Variants in CITED1 observed in about 807,000 individuals in gnomAD.
The protein encoded by CITED1 is Cbp/p300 interacting transactivator with ED-rich tail 1.
A neutral mutation model predicts 8.5 loss-of-function variants in CITED1; 3 were observed. The ratio of observed to expected loss-of-function variants is 0.35; its 90% confidence interval spans 0.16 to 0.91. The LOEUF is 0.91. Among genes scored for constraint, CITED1 ranks in the 40% least tolerant of loss-of-function variants. The pLI is 0.46. For synonymous variants in CITED1, 54 were observed against 67.4 expected (o/e 0.80, Z 0.97); for missense variants, 113 against 154.8 (o/e 0.73, Z 1.43).
chrX:72,301,853 T>C lies in CITED1; in HGVS notation c.452A>G (p.Asp151Gly), dbSNP rs1223739445. The change falls in exon 3 of 3, where the codon GAC becomes GGC. Residue 151 changes from aspartate to glycine, a missense_variant. Asp to Gly is a moderately conservative substitution (Grantham distance 94). Coordinates refer to ENST00000651998, the MANE Select transcript of CITED1 (RefSeq NM_001144887.2). ...GAQSPAIIDS[D>G]PVDEEVLMSL... ...CATCAGCACTTCCTCATCCACTGGG[T>C]CCGAATCGATGATAGCAGGGCTCTG... 2 of 1,211,359 alleles carry C rather than the reference T, an allele frequency of 1.7e-6. No homozygotes were observed. The highest frequency in any genetic ancestry group is 1.8e-5 in the South Asian group (1 of 56,929).
At chrX:72,307,149 G>T (rs1365225302), upstream of CITED1, 1 of 111,979 alleles carries the variant, frequency 8.9e-6, no homozygotes, top group Non-Finnish European at 1.9e-5. Flanking sequence ...GCTCAGCGGT[G>T]CCCCTTCTGC....
intron 1 of CITED1, chrX:72,305,397 G>T: frequency 1.1e-6 from 1 of 878,471 alleles, no homozygotes. Context: ...GCTCTAACCA[G>T]ACCAGTCAGT....
Position 72,302,324 on chromosome X carries a change from T to C in CITED1, c.61-80A>G, listed in dbSNP as rs951167579. The C allele has an allele frequency of 8.5e-6, 9 of 1,060,136 alleles. No homozygotes were observed. In the Admixed American group the frequency reaches 2.1e-4, roughly 25 times the overall value. 87.4% of individuals were successfully genotyped at this position (1,060,136 alleles called of 1,213,427 possible). A position where few individuals can be genotyped will look rare whatever the true frequency, so the allele number is the denominator to read the frequency against. On this transcript the variant is annotated intron_variant, in intron 2 of 2. Coordinates refer to ENST00000651998, the MANE Select transcript of CITED1 (RefSeq NM_001144887.2). The stretch of plus-strand genomic sequence containing the variant: ...CCATTCAGCAGATTTAGAAGGTTCC[T>C]ACCTGCACTTCATTTGGGACTAGAG...
Position 72,302,120 on chromosome X carries a change from G to A in CITED1, c.185C>T (p.Thr62Ile). ...GCCTATTGGAGATCCCGAGGAACTA[G>A]TGGGAGCCCCACTGGCCTTGGTTCC... ...SNGTKASGAPTSSSGSPIGSP... is the reference protein window; with the variant it reads ...SNGTKASGAPISSSGSPIGSP... The change falls in exon 3 of 3, where the codon ACT (threonine) becomes ATT (isoleucine). Residue 62 changes from threonine (T) to isoleucine (I), a missense_variant. Coordinates refer to ENST00000651998, the MANE Select transcript of CITED1 (RefSeq NM_001144887.2). 3 of 1,190,487 alleles carry A rather than the reference G, an allele frequency of 2.5e-6. No homozygotes were observed. The highest frequency in any genetic ancestry group is 3.4e-6 in the Non-Finnish European group (3 of 884,300).
At chrX:72,302,357 G>C (rs184368338) in intron 2 of CITED1, 113 bp from the exon 3 acceptor site, 2 of 916,442 alleles carry the variant, frequency 2.2e-6, no homozygotes, top group African/African-American at 4.0e-5. Context: ...GAGGTGGAGA[G>C]GTAGCAAGAC....
chrX:72,302,345 T>A, intron 2 of CITED1, 101 bp from the exon 3 acceptor site: 1 of 984,086 alleles, frequency 1.0e-6, no homozygotes, highest in Non-Finnish European at 1.4e-6. Context: ...CATTTGGGAC[T>A]AGAGGTGGAG....
At chrX:72,305,404 C>T in intron 1 of CITED1, 1 of 802,897 alleles carries the variant, frequency 1.2e-6, no homozygotes. Context: ...CCAGACCAGT[C>T]AGTTTCGCCA....
chrX:72,301,703 A>T lies in CITED1; in HGVS notation c.*20T>A. On this transcript the variant is annotated 3_prime_UTR_variant, in exon 3 of 3. Coordinates refer to ENST00000651998, the MANE Select transcript of CITED1 (RefSeq NM_001144887.2). ...ACAGAATTGGTGGCTTTATTCCTCC[A>T]TCTTTAGGGACACTTGGCATTAGCA... The T allele has an allele frequency of 8.3e-7, 1 of 1,204,149 alleles. No homozygotes were observed. Among genetic ancestry groups the T allele is most frequent in the East Asian group, 3.0e-5 (1 of 33,682 alleles).
rs751916691 is a variant in CITED1 at position 72,302,201 on chromosome X, G to A, written c.104C>T (p.Ala35Val). The change falls in exon 3 of 3, where the codon GCG becomes GTG. Residue 35 changes from alanine (A) to valine (V), a missense_variant. Coordinates refer to ENST00000651998, the MANE Select transcript of CITED1 (RefSeq NM_001144887.2). ...EMSSVAYSNLAVKDRKAVAIL... is the reference protein window; with the variant it reads ...EMSSVAYSNLVVKDRKAVAIL... ...GGCCACTGCTTTGCGATCTTTCACC[G>A]CAAGGTTGGAGTAGGCCACGGAGCT... The A allele has an allele frequency of 6.3e-5, 76 of 1,205,315 alleles. No individual in the cohort carries two copies. The highest frequency in any genetic ancestry group is 7.1e-5 in the Non-Finnish European group (63 of 892,596).
chrX:72,304,973 C>A (rs764418577), intron 1 of CITED1, among the ~76,000 whole-genome samples: 25 of 113,248 alleles, frequency 2.2e-4, no homozygotes, highest in African/African-American at 6.7e-4. Context: ...TCCTCCACCA[C>A]CCTCTAGCCC....
intron 1 of CITED1, among the ~76,000 whole-genome samples, chrX:72,303,922 A>C (rs1340843254): frequency 9.0e-6 from 1 of 111,103 alleles, no homozygotes; most frequent in African/African-American, 3.3e-5. Context: ...AAGAAGAAAA[A>C]AATGTCCCAT....
intron 1 of CITED1, among the ~76,000 whole-genome samples, chrX:72,303,971 T>C (rs1816411854): frequency 9.0e-6 from 1 of 110,824 alleles, no homozygotes; most frequent in Admixed American, 9.5e-5. Context: ...TCTCAGCTAC[T>C]CAGGAAGCTG....
intron 1 of CITED1, among the ~76,000 whole-genome samples, chrX:72,305,117 T>C (rs2043323807): frequency 8.9e-6 from 1 of 112,369 alleles, no homozygotes; most frequent in Non-Finnish European, 1.9e-5. Context: ...GGCTGATGCC[T>C]GGCGGCCCCC....
upstream of CITED1, chrX:72,306,388 C>A (rs1376824633): frequency 1.8e-5 from 2 of 111,450 alleles, no homozygotes; most frequent in African/African-American, 6.5e-5. Flanking sequence ...CTCCGGCCCG[C>A]CTGGCGGCCG....
chrX:72,304,740 G>A (rs2043319616), intron 1 of CITED1, among the ~76,000 whole-genome samples: 1 of 111,575 alleles, frequency 9.0e-6, no homozygotes, highest in Non-Finnish European at 1.9e-5. Flanking sequence ...AGTTCGTGGG[G>A]GAAGACCATT....
chrX:72,302,264 A>G lies in CITED1; in HGVS notation c.61-20T>C. On this transcript the variant is annotated intron_variant, in intron 2 of 2. Coordinates refer to ENST00000651998, the MANE Select transcript of CITED1 (RefSeq NM_001144887.2). ...GGCATCCTAGAAGACAGAGAAAAGC[A>G]CACCATAGTAACCCTGCTCCTGGCT... 1.7e-6 allele frequency: 2 copies of G among 1,193,624 alleles called. No individual in the cohort carries two copies. The highest frequency in any genetic ancestry group is 3.7e-5 in the South Asian group (2 of 53,969).
At chrX:72,307,049 C>T (rs937562078), upstream of CITED1, 6 of 110,370 alleles carry the variant, frequency 5.4e-5, no homozygotes, top group African/African-American at 1.7e-4. Flanking sequence ...GGTGCTGTGC[C>T]GTCCGCTGCT....
chrX:72,303,011 G>A (rs2043304212), intron 1 of CITED1, 77 bp from the exon 2 acceptor site: 20 of 1,112,844 alleles, frequency 1.8e-5, no homozygotes, highest in Non-Finnish European at 8.4e-6. Context: ...CCCAAAGCAG[G>A]GCAATGCCAC....
chrX:72,303,713 T>C (rs1234699292), intron 1 of CITED1, among the ~76,000 whole-genome samples: 1 of 111,661 alleles, frequency 9.0e-6, no homozygotes, highest in Non-Finnish European at 1.9e-5. Context: ...GAGCAGAATC[T>C]AGCACCCCTA....
Sources: gnomAD v4.1 joint callset for allele counts (sites outside exome capture counted in the v4.1 genomes callset) on GRCh38, gnomAD v4.1.1 for gene constraint, MANE v1.5 for transcripts, NCBI Gene and HGNC (gene_info 2026-07-23, HGNC 2026-07-21) for gene names.